CCSER1: variants seen among roughly 807,000 people sequenced by gnomAD.
CCSER1 encodes the protein serine-rich coiled-coil domain-containing protein 1.
CCSER1 carries 41 observed loss-of-function variants against 82.0 expected under a neutral mutation model. The ratio of observed to expected loss-of-function variants is 0.50; its 90% CI spans 0.39 to 0.65. CCSER1 has a LOEUF of 0.65. Among genes scored for constraint, CCSER1 ranks in the 30% least tolerant of loss-of-function variants. The pLI is 0.00. For synonymous variants in CCSER1, 414 were observed against 383.9 expected (o/e 1.08, Z -0.92); for missense variants, 1,119 against 1,064.2 (o/e 1.05, Z -0.72).
intron 10 of CCSER1, among the ~76,000 whole-genome samples, chr4:91,478,614 A>G (rs1291485166): frequency 6.6e-6 from 1 of 151,940 alleles, no homozygotes; most frequent in Non-Finnish European, 1.5e-5. Flanking sequence ...CAATTAGTGG[A>G]TATATAGTAT....
At chr4:90,725,442 C>T (rs1262756430) in intron 7 of CCSER1, among the ~76,000 whole-genome samples, 1 of 151,438 alleles carries the variant, frequency 6.6e-6, no homozygotes, top group African/African-American at 2.4e-5. Context: ...TTAAAACTTT[C>T]AAGTGCTTAT....
At chr4:90,595,855 G>A (rs1042815246) in intron 5 of CCSER1, among the ~76,000 whole-genome samples, 1 of 151,840 alleles carries the variant, frequency 6.6e-6, no homozygotes, top group African/African-American at 2.4e-5. Context: ...TAGACTTGTT[G>A]GGCAGAACAT....
At chr4:91,453,417 A>T (rs1313040599) in intron 10 of CCSER1, among the ~76,000 whole-genome samples, 2 of 152,030 alleles carry the variant, frequency 1.3e-5, no homozygotes, top group Non-Finnish European at 2.9e-5. Flanking sequence ...GTCTCTCAAG[A>T]CTGCTTCCTG....
At chr4:90,621,848 G>T (rs1722379529) in intron 5 of CCSER1, among the ~76,000 whole-genome samples, 1 of 152,170 alleles carries the variant, frequency 6.6e-6, no homozygotes, top group South Asian at 2.1e-4. Flanking sequence ...AGTCTCCTTT[G>T]TCTGTGGCAG....
chr4:91,544,464 T>C (rs113646655), intron 10 of CCSER1, among the ~76,000 whole-genome samples: 106 of 152,314 alleles, frequency 7.0e-4, no homozygotes, highest in African/African-American at 2.4e-3. Context: ...TGGTCTTTGA[T>C]GATGGTGATG....
At chr4:91,193,192 C>A (rs1392765413) in intron 10 of CCSER1, among the ~76,000 whole-genome samples, 2 of 152,124 alleles carry the variant, frequency 1.3e-5, no homozygotes, top group African/African-American at 2.4e-5. Flanking sequence ...AAGTAAGTTT[C>A]TGTCCAGAGA....
At chr4:91,485,105 C>T (rs1758145608) in intron 10 of CCSER1, among the ~76,000 whole-genome samples, 1 of 152,020 alleles carries the variant, frequency 6.6e-6, no homozygotes, top group African/African-American at 2.4e-5. Flanking sequence ...GATTCATTTC[C>T]TACTACATGG....
intron 9 of CCSER1, among the ~76,000 whole-genome samples, chr4:91,031,298 C>T (rs1251774581): frequency 6.6e-6 from 1 of 152,108 alleles, no homozygotes; most frequent in East Asian, 1.9e-4. Flanking sequence ...TCTTCTGATA[C>T]AATGCCTGGA....
intron 1 of CCSER1, among the ~76,000 whole-genome samples, chr4:90,233,337 AT>A (rs1268471573): frequency 1.3e-5 from 2 of 152,122 alleles, no homozygotes; most frequent in Admixed American, 1.3e-4. Flanking sequence ...CACGGATGAA[AT>A]TGGAAATCAT....
chr4:90,913,994 C>G (rs1465471555), intron 8 of CCSER1, among the ~76,000 whole-genome samples: 1 of 152,160 alleles, frequency 6.6e-6, no homozygotes, highest in Non-Finnish European at 1.5e-5. Flanking sequence ...ATTCATAAAG[C>G]AAGTCCTTGG....
intron 3 of CCSER1, among the ~76,000 whole-genome samples, chr4:90,335,285 T>A (rs960633621): frequency 6.6e-6 from 1 of 152,164 alleles, no homozygotes; most frequent in Non-Finnish European, 1.5e-5. Flanking sequence ...AAAATAAAAG[T>A]GCCACACTTA....
intron 10 of CCSER1, among the ~76,000 whole-genome samples, chr4:91,262,216 C>CCTT (rs74280030): frequency 0.55 from 83,312 of 151,560 alleles, 23,959 homozygotes; most frequent in African/African-American, 0.74. Flanking sequence ...GGCTCTCAAA[C>CCTT]CTTGGAAGAT....
At chr4:90,837,129 T>G in intron 8 of CCSER1, among the ~76,000 whole-genome samples, 1 of 152,198 alleles carries the variant, frequency 6.6e-6, no homozygotes, top group East Asian at 1.9e-4. Context: ...AACAGTATTA[T>G]AGATGACTCA....
At chr4:91,094,206 G>A (rs949399060) in intron 10 of CCSER1, among the ~76,000 whole-genome samples, 4 of 152,126 alleles carry the variant, frequency 2.6e-5, no homozygotes, top group African/African-American at 9.7e-5. Context: ...AACTTCTGGA[G>A]GTCTCGAGCC....
chr4:91,024,710 T>G (rs1450080441), intron 9 of CCSER1, among the ~76,000 whole-genome samples: 1 of 152,068 alleles, frequency 6.6e-6, no homozygotes, highest in South Asian at 2.1e-4. Context: ...ATGCAAATTT[T>G]GTTCAATAAG....
intron 4 of CCSER1, among the ~76,000 whole-genome samples, chr4:90,423,633 C>T (rs947207997): frequency 3.9e-5 from 6 of 152,118 alleles, no homozygotes; most frequent in Non-Finnish European, 8.8e-5. Flanking sequence ...AGCCACTATG[C>T]CCGGCTAACT....
At chr4:90,158,597 C>T (rs935669410) in intron 1 of CCSER1, among the ~76,000 whole-genome samples, 5 of 152,206 alleles carry the variant, frequency 3.3e-5, no homozygotes, top group Non-Finnish European at 7.3e-5. Context: ...CTCCCCTCCC[C>T]AGCCTGGCTG....
intron 9 of CCSER1, among the ~76,000 whole-genome samples, chr4:90,969,308 T>C (rs557764103): frequency 6.6e-6 from 1 of 152,076 alleles, no homozygotes; most frequent in African/African-American, 2.4e-5. Flanking sequence ...AGTTAAAAGA[T>C]TTCTAAAACA....
intron 5 of CCSER1, among the ~76,000 whole-genome samples, chr4:90,570,680 G>C (rs1780008370): frequency 6.6e-6 from 1 of 152,084 alleles, no homozygotes; most frequent in Non-Finnish European, 1.5e-5. Context: ...ACAACACCAA[G>C]GTCTAGGAAT....
Sources: gnomAD v4.1 joint callset for allele counts (sites outside exome capture counted in the v4.1 genomes callset) on GRCh38, gnomAD v4.1.1 for gene constraint, MANE v1.5 for transcripts, NCBI Gene and HGNC (gene_info 2026-07-23, HGNC 2026-07-21) for gene names.